NKAIN2: variants seen among roughly 807,000 people sequenced by gnomAD.
The protein encoded by NKAIN2 is sodium/potassium transporting ATPase interacting 2.
NKAIN2 carries 14 observed loss-of-function variants against 32.6 expected under a neutral mutation model. The observed-to-expected ratio is 0.43, with a 90% CI of 0.28 to 0.67. The LOEUF is 0.67. NKAIN2 is among the 30% of genes least tolerant of loss of function. The probability of loss-of-function intolerance (pLI) is 0.17; values close to 1 mark genes in which losing one functional copy is unlikely to be tolerated. For missense variants in NKAIN2, 198 were observed against 258.3 expected, an observed-to-expected ratio of 0.77 and a Z score of 1.60; for synonymous variants, 80 against 87.2, an observed-to-expected ratio of 0.92 and a Z score of 0.46.
intron 1 of NKAIN2, among the ~76,000 whole-genome samples, chr6:124,047,025 T>C (rs756471908): frequency 2.6e-5 from 4 of 152,048 alleles, no homozygotes; most frequent in Admixed American, 2.6e-4. Flanking sequence ...TCATTCAGCA[T>C]GTCAGACCAG....
intron 4 of NKAIN2, among the ~76,000 whole-genome samples, chr6:124,783,500 T>G (rs977226211): frequency 6.6e-6 from 1 of 152,174 alleles, no homozygotes. Context: ...TCTGACCCAG[T>G]AGGCTGTGAA....
chr6:123,908,771 T>C (rs187525914), intron 1 of NKAIN2, among the ~76,000 whole-genome samples: 1 of 152,334 alleles, frequency 6.6e-6, no homozygotes, highest in Admixed American at 6.5e-5. Flanking sequence ...TTTTACTTTT[T>C]GGAAAAAATA....
chr6:124,375,894 T>C (rs574739407), intron 3 of NKAIN2, among the ~76,000 whole-genome samples: 1 of 152,258 alleles, frequency 6.6e-6, no homozygotes, highest in East Asian at 1.9e-4. Context: ...GCTTTAATGT[T>C]ACATAGAGAA....
At chr6:124,132,173 C>G (rs1159258795) in intron 1 of NKAIN2, among the ~76,000 whole-genome samples, 2 of 152,150 alleles carry the variant, frequency 1.3e-5, no homozygotes, top group Non-Finnish European at 2.9e-5. Context: ...CTATACTGCA[C>G]AGCAGAGGCA....
chr6:124,181,635 T>A (rs139918125), intron 1 of NKAIN2, among the ~76,000 whole-genome samples: 32 of 152,304 alleles, frequency 2.1e-4, no homozygotes, highest in African/African-American at 7.7e-4. Flanking sequence ...CCCTAAATCA[T>A]CTTTCTCAAG....
intron 1 of NKAIN2, among the ~76,000 whole-genome samples, chr6:124,266,126 C>T (rs191168511): frequency 1.3e-5 from 2 of 152,250 alleles, no homozygotes; most frequent in Non-Finnish European, 1.5e-5. Context: ...CCATCATAAC[C>T]TGTGACCCAT....
chr6:124,595,471 C>A (rs576118988), intron 3 of NKAIN2, among the ~76,000 whole-genome samples: 6 of 152,190 alleles, frequency 3.9e-5, no homozygotes, highest in Non-Finnish European at 2.9e-5. Context: ...ACTTGGTAGC[C>A]AGGCTTCCAA....
intron 3 of NKAIN2, among the ~76,000 whole-genome samples, chr6:124,381,477 AT>A (rs1772631289): frequency 6.6e-6 from 1 of 152,162 alleles, no homozygotes; most frequent in Admixed American, 6.5e-5. Context: ...GAACCAATGT[AT>A]GAGAAATAAA....
intron 1 of NKAIN2, among the ~76,000 whole-genome samples, chr6:124,146,660 G>GTCCCTCT (rs1787423860): frequency 6.6e-6 from 1 of 152,110 alleles, no homozygotes; most frequent in African/African-American, 2.4e-5. Context: ...TCACACTGTA[G>GTCCCTCT]AATATTATTA....
chr6:124,321,550 T>G (rs1232998844), intron 2 of NKAIN2, among the ~76,000 whole-genome samples: 1 of 152,172 alleles, frequency 6.6e-6, no homozygotes, highest in Non-Finnish European at 1.5e-5. Flanking sequence ...GAACCTCTTT[T>G]ATATTCCTAG....
chr6:124,346,399 C>T (rs576557713), intron 2 of NKAIN2, among the ~76,000 whole-genome samples: 2 of 152,266 alleles, frequency 1.3e-5, no homozygotes, highest in African/African-American at 2.4e-5. Flanking sequence ...TGTCAACTTT[C>T]CGTCTCATTG....
At chr6:124,068,627 G>C (rs1052779093) in intron 1 of NKAIN2, among the ~76,000 whole-genome samples, 11 of 151,976 alleles carry the variant, frequency 7.2e-5, no homozygotes, top group African/African-American at 2.7e-4. Context: ...GAGCCTAGCC[G>C]TGGCTAGCAG....
At position 124,583,229 on chromosome 6, in the gene NKAIN2, C is replaced by CAA. The variant is rs60708814; in HGVS notation, c.274-74944_274-74943dup. On this transcript the variant is annotated intron_variant, in intron 3 of 6. Coordinates refer to ENST00000368417, the MANE Select transcript of NKAIN2 (RefSeq NM_001040214.3). ...AATTGGTAAAACCTAAAGACTCCAC[C>CAA]AAAAAAAAAAAAAACATTAAAATTG... Among the ~76,000 whole-genome samples the CAA allele has an allele frequency of 5.5e-3, 781 of 141,188 alleles. 6 individuals are homozygous for CAA. The highest frequency in any genetic ancestry group is 7.1e-3 in the Non-Finnish European group (460 of 65,210). The allele number at this position is 141,188 out of a possible 152,430, so 92.6% of individuals were successfully genotyped here. A position where few individuals can be genotyped will look rare whatever the true frequency, so the allele number is the denominator to read the frequency against.
At chr6:123,877,044 T>C (rs1053089614) in intron 1 of NKAIN2, among the ~76,000 whole-genome samples, 4 of 152,210 alleles carry the variant, frequency 2.6e-5, no homozygotes, top group Non-Finnish European at 5.9e-5. Context: ...TGCTATTTCA[T>C]GTCTGATACT....
At chr6:124,553,056 A>T (rs754604064) in intron 3 of NKAIN2, among the ~76,000 whole-genome samples, 6 of 152,352 alleles carry the variant, frequency 3.9e-5, no homozygotes, top group South Asian at 2.1e-4. Context: ...GGAGACAGAA[A>T]TGTCTATACA....
chr6:124,725,539 A>G (rs967149448), intron 4 of NKAIN2, among the ~76,000 whole-genome samples: 1 of 152,206 alleles, frequency 6.6e-6, no homozygotes, highest in Non-Finnish European at 1.5e-5. Flanking sequence ...CATGAATATC[A>G]TATGCCAAGT....
chr6:124,542,960 CT>C (rs1779963372), intron 3 of NKAIN2, among the ~76,000 whole-genome samples: 1 of 152,110 alleles, frequency 6.6e-6, no homozygotes, highest in African/African-American at 2.4e-5. Context: ...GTCTGAATTT[CT>C]AAATACAATA....
At chr6:124,064,144 G>C (rs1259079393) in intron 1 of NKAIN2, among the ~76,000 whole-genome samples, 2 of 151,652 alleles carry the variant, frequency 1.3e-5, no homozygotes, top group African/African-American at 2.4e-5. Context: ...GTATAGACTG[G>C]GTTTCACCAT....
intron 3 of NKAIN2, among the ~76,000 whole-genome samples, chr6:124,577,954 C>G (rs1781392219): frequency 6.6e-6 from 1 of 152,156 alleles, no homozygotes; most frequent in Non-Finnish European, 1.5e-5. Flanking sequence ...TAGACATGTA[C>G]TAGGCCAGAA....
Sources: gnomAD v4.1 joint callset for allele counts (sites outside exome capture counted in the v4.1 genomes callset) on GRCh38, gnomAD v4.1.1 for gene constraint, MANE v1.5 for transcripts, NCBI Gene and HGNC (gene_info 2026-07-23, HGNC 2026-07-21) for gene names.